Variants in TOP1 observed in about 807,000 individuals in gnomAD.
TOP1 encodes the protein DNA topoisomerase I.
Under a neutral mutation model 111.1 loss-of-function variants are expected in TOP1, and 10 were observed. That is an observed-to-expected ratio of 0.09 (90% CI 0.06 to 0.15). TOP1 has a LOEUF of 0.15. Ranked by LOEUF, TOP1 falls within the 10% of genes least tolerant of loss-of-function variation. The pLI is 1.00. For synonymous variants in TOP1, 271 were observed against 302.9 expected (o/e 0.89, Z 1.10); for missense variants, 474 against 926.7 (o/e 0.51, Z 6.34).
Position 41,097,119 on chromosome 20 carries a change from G to T in TOP1, c.731-101G>T. On this transcript the variant is annotated intron_variant, in intron 9 of 20. Coordinates refer to ENST00000361337, the MANE Select transcript of TOP1 (RefSeq NM_003286.4). This position sits in a 1 kb window ranked among gnomAD's most constrained non-coding sequence, Gnocchi z 4.2. ...GTGTCACCAGACCTTTATATACCAT[G>T]AGAAGGCAAACCATTATTAAAGAGA... The T allele has an allele frequency of 7.5e-7, 1 of 1,334,308 alleles. No individual in the cohort carries two copies. The highest frequency in any genetic ancestry group is 1.4e-5 in the South Asian group (1 of 71,640). 82.7% of individuals were successfully genotyped at this position (1,334,308 alleles called of 1,614,324 possible).
In TOP1 at chr20:41,118,349, G is replaced by T. The variant is rs1278884679; in HGVS notation, c.1950+53G>T. The T allele has an allele frequency of 6.2e-7, 1 of 1,600,126 alleles. No homozygotes were observed. Among genetic ancestry groups the T allele is most frequent in the Non-Finnish European group, 8.5e-7 (1 of 1,169,840 alleles). ...TGTCTGCTGTGGGCAGATTATCTGC[G>T]AATGAGAGGATTCAGGGCTGAGATA... is the stretch of plus-strand genomic sequence containing the variant. On this transcript the variant is annotated intron_variant, in intron 18 of 20. Transcript: ENST00000361337. The surrounding 1 kb of genome is among the most constrained non-coding windows in gnomAD (Gnocchi z 4.6).
At chr20:41,048,022 G>A (rs2033354887) in intron 2 of TOP1, among the ~76,000 whole-genome samples, 1 of 151,772 alleles carries the variant, frequency 6.6e-6, no homozygotes, top group Non-Finnish European at 1.5e-5. Context: ...AATAGGGGTT[G>A]GAAGAGTAGC....
chr20:41,080,007 G>C lies in TOP1; in HGVS notation c.336-78G>C, dbSNP rs186499552. 4.6e-6 allele frequency: 4 copies of C among 877,910 alleles called. No homozygotes were observed. The highest frequency in any genetic ancestry group is 5.5e-6 in the Non-Finnish European group (3 of 541,126). 54.4% of individuals were successfully genotyped at this position (877,910 alleles called of 1,614,324 possible). ...TTATTTCTGTTAGCTTCTTTTCAAC[G>C]AAATGACATATTCCTTCTTTGTATT... On this transcript the variant is annotated intron_variant, in intron 5 of 20. Coordinates refer to ENST00000361337, the MANE Select transcript of TOP1 (RefSeq NM_003286.4). This position sits in a 1 kb window ranked among gnomAD's most constrained non-coding sequence, Gnocchi z 5.0.
chr20:41,084,692 T>G (rs764095249), intron 8 of TOP1, 124 bp downstream of exon 8: 53 of 587,986 alleles, frequency 9.0e-5, no homozygotes, highest in Non-Finnish European at 1.2e-4. Context: ...ACAATTTCTC[T>G]AGAGTAACTT....
rs891224051 is a variant in TOP1, at chr20:41,092,895, C to G, written c.730+308C>G. Reference sequence around the variant, plus strand: ...TGATCTGAACTTCATTTCTAGGGAGCAACTCTTCGCAAGAGTTATTAGAAA... The same window carrying G: ...TGATCTGAACTTCATTTCTAGGGAGGAACTCTTCGCAAGAGTTATTAGAAA... On this transcript the variant is annotated intron_variant, in intron 9 of 20. Transcript: ENST00000361337. The surrounding 1 kb of genome is among the most constrained non-coding windows in gnomAD (Gnocchi z 4.3). 2.0e-5 allele frequency among the ~76,000 whole-genome samples: 3 copies of G among 152,112 alleles called. No individual in the cohort carries two copies. The highest frequency in any genetic ancestry group is 4.4e-5 in the Non-Finnish European group (3 of 68,014).
At chr20:41,091,509 G>GA (rs1568693617) in intron 8 of TOP1, among the ~76,000 whole-genome samples, 1 of 148,368 alleles carries the variant, frequency 6.7e-6, no homozygotes, top group Non-Finnish European at 1.5e-5. Context: ...AACCAACTTT[G>GA]AAAATGGTTC....
chr20:41,029,615 C>A lies in TOP1; in HGVS notation c.58+160C>A. ...TGTTCCCATCGGGCCGCCTCTTGAC[C>A]CCCTTTCCGGGGACCCCAGCTCCTC... On this transcript the variant is annotated intron_variant, in intron 2 of 20. Transcript: ENST00000361337. This position sits in a 1 kb window ranked among gnomAD's most constrained non-coding sequence, Gnocchi z 6.1. The A allele has an allele frequency of 1.5e-6, 1 of 688,582 alleles. No homozygotes were observed. Among genetic ancestry groups the A allele is most frequent in the Middle Eastern group, 2.3e-4 (1 of 4,326 alleles). The allele number at this position is 688,582 out of a possible 1,614,324, so 42.7% of individuals were successfully genotyped here.
intron 3 of TOP1, among the ~76,000 whole-genome samples, chr20:41,068,271 C>A (rs1351124484): frequency 6.6e-6 from 1 of 152,220 alleles, no homozygotes; most frequent in African/African-American, 2.4e-5. Context: ...ATGAAAACTT[C>A]ATCTCTGTCT....
chr20:41,029,491 C>A lies in TOP1; in HGVS notation c.58+36C>A. On this transcript the variant is annotated intron_variant, in intron 2 of 20. Transcript: ENST00000361337. The surrounding 1 kb of genome is among the most constrained non-coding windows in gnomAD (Gnocchi z 6.1). Reference sequence around the variant, plus strand: ...CCCCTGCGCCGACTCCGGGGCCCCCCAGCCGCCGGCCGCCTCCCCCGCGCC... The same window carrying A: ...CCCCTGCGCCGACTCCGGGGCCCCCAAGCCGCCGGCCGCCTCCCCCGCGCC... 1 of 1,542,700 alleles carries A rather than the reference C, an allele frequency of 6.5e-7. No homozygotes were observed. Among genetic ancestry groups the A allele is most frequent in the Admixed American group, 2.0e-5 (1 of 50,754 alleles).
At chr20:41,120,496 G>A (rs2034405746) in intron 18 of TOP1, among the ~76,000 whole-genome samples, 1 of 152,204 alleles carries the variant, frequency 6.6e-6, no homozygotes, top group Admixed American at 6.5e-5. Flanking sequence ...TGAGTAGCGT[G>A]AGCTCAGTGA....
chr20:41,029,590 TG>T lies in TOP1; in HGVS notation c.58+136del. 1 of 751,370 alleles carries T rather than the reference TG, an allele frequency of 1.3e-6. No individual in the cohort carries two copies. 46.5% of individuals were successfully genotyped at this position (751,370 alleles called of 1,614,324 possible). ...CCGGCTCCTCGCTCACCGGCCCCAT[TG>T]TTCCCATCGGGCCGCCTCTTGACCC... is the stretch of plus-strand genomic sequence containing the variant. On this transcript the variant is annotated intron_variant, in intron 2 of 20. Coordinates refer to ENST00000361337, the MANE Select transcript of TOP1 (RefSeq NM_003286.4). This position sits in a 1 kb window ranked among gnomAD's most constrained non-coding sequence, Gnocchi z 6.1.
At chr20:41,045,280 G>T (rs1384602700) in intron 2 of TOP1, among the ~76,000 whole-genome samples, 1 of 152,106 alleles carries the variant, frequency 6.6e-6, no homozygotes, top group Admixed American at 6.6e-5. Flanking sequence ...AGTGATTGGG[G>T]CTCTTGGAAT....
In TOP1 at chr20:41,106,060, G is replaced by A. The variant is rs531463485; in HGVS notation, c.1308+4707G>A. 7.7e-6 allele frequency among the ~76,000 whole-genome samples: 1 copy of A among 129,670 alleles called. No homozygotes were observed. Among genetic ancestry groups the A allele is most frequent in the Non-Finnish European group, 1.5e-5 (1 of 64,640 alleles). The allele number at this position is 129,670 out of a possible 152,430, so 85.1% of individuals were successfully genotyped here. ...TTTTGCTTTTTACATTTGGGTCTTA[G>A]ATCCACTAGAATGTATTTTTGCATT... is the stretch of plus-strand genomic sequence containing the variant. On this transcript the variant is annotated intron_variant, in intron 13 of 20. Transcript: ENST00000361337. The surrounding 1 kb of genome is among the most constrained non-coding windows in gnomAD (Gnocchi z 4.3).
intron 2 of TOP1, among the ~76,000 whole-genome samples, chr20:41,048,955 G>A (rs1044737653): frequency 1.3e-5 from 2 of 152,144 alleles, no homozygotes; most frequent in East Asian, 3.8e-4. Context: ...AAGGAGAGAA[G>A]GTTGTAAAAT....
chr20:41,106,122 G>C lies in TOP1; in HGVS notation c.1308+4769G>C, dbSNP rs564959213. 3.3e-5 allele frequency among the ~76,000 whole-genome samples: 5 copies of C among 152,226 alleles called. No homozygotes were observed. The highest frequency in any genetic ancestry group is 1.2e-4 in the African/African-American group (5 of 41,526). ...GAAACCTAATATATTTTCCAAATGA[G>C]TAAACTGTTGTCACAGAACTATTTA... is the stretch of plus-strand genomic sequence containing the variant. On this transcript the variant is annotated intron_variant, in intron 13 of 20. Coordinates refer to ENST00000361337, the MANE Select transcript of TOP1 (RefSeq NM_003286.4). This position sits in a 1 kb window ranked among gnomAD's most constrained non-coding sequence, Gnocchi z 4.3.
At chr20:41,084,200 A>T (rs999309081) in intron 7 of TOP1, among the ~76,000 whole-genome samples, 35 of 152,250 alleles carry the variant, frequency 2.3e-4, no homozygotes, top group African/African-American at 8.4e-4. Flanking sequence ...TAAAAAAAAA[A>T]AAGTTTCCCA....
chr20:41,095,776 G>A lies in TOP1; in HGVS notation c.731-1444G>A, dbSNP rs562980020. ...GCCTTGGTGAATTATTAATACCTGTGTAATAGTAAGGTGGTGGAATTATAG... is the reference window on the plus strand; with the variant it reads ...GCCTTGGTGAATTATTAATACCTGTATAATAGTAAGGTGGTGGAATTATAG... On this transcript the variant is annotated intron_variant, in intron 9 of 20. Coordinates refer to ENST00000361337, the MANE Select transcript of TOP1 (RefSeq NM_003286.4). This position sits in a 1 kb window ranked among gnomAD's most constrained non-coding sequence, Gnocchi z 4.6. Among the ~76,000 whole-genome samples the A allele has an allele frequency of 7.2e-5, 11 of 152,316 alleles. No individual in the cohort carries two copies. Among genetic ancestry groups the A allele is most frequent in the African/African-American group, 2.4e-4 (10 of 41,562 alleles).
chr20:41,107,464 C>G (rs1306238794), intron 13 of TOP1, among the ~76,000 whole-genome samples: 3 of 152,148 alleles, frequency 2.0e-5, no homozygotes, highest in Non-Finnish European at 4.4e-5. Context: ...CACTCACTTC[C>G]AATTCACTAA....
Position 41,100,904 on chromosome 20 carries a change from C to T in TOP1, c.1164-305C>T, listed in dbSNP as rs2034053596. 1 of 302,110 alleles carries T rather than the reference C, an allele frequency of 3.3e-6. No homozygotes were observed. Among genetic ancestry groups the T allele is most frequent in the East Asian group, 5.9e-5 (1 of 16,900 alleles). The allele number at this position is 302,110 out of a possible 1,614,324, so 18.7% of individuals were successfully genotyped here. On this transcript the variant is annotated intron_variant, in intron 12 of 20. Coordinates refer to ENST00000361337, the MANE Select transcript of TOP1 (RefSeq NM_003286.4). This position sits in a 1 kb window ranked among gnomAD's most constrained non-coding sequence, Gnocchi z 4.4. ...ACCCATGGGCAAGTGACATATACAG[C>T]ATGGTATGTTGTATATATGGTTCAC...
Sources: gnomAD v4.1 joint callset for allele counts (sites outside exome capture counted in the v4.1 genomes callset) on GRCh38, gnomAD v4.1.1 for gene constraint, Gnocchi (gnomAD v3.1) non-coding constraint, MANE v1.5 for transcripts, NCBI Gene and HGNC (gene_info 2026-07-23, HGNC 2026-07-21) for gene names.